CAST: variants seen among roughly 807,000 people sequenced by gnomAD.
CAST encodes the protein calpastatin, also known as MIR583 host.
Under a neutral mutation model 119.6 loss-of-function variants are expected in CAST, and 76 were observed. The observed-to-expected ratio is 0.64, with a 90% CI of 0.53 to 0.77. The LOEUF (loss-of-function observed/expected upper bound fraction) is 0.77. Among genes scored for constraint, CAST ranks in the 30% least tolerant of loss-of-function variants. CAST has a pLI of 0.00. For synonymous variants in CAST, 319 were observed against 331.6 expected, an observed-to-expected ratio of 0.96 and a Z score of 0.41; for missense variants, 953 against 946.5, an observed-to-expected ratio of 1.01 and a Z score of -0.09.
At chr5:96,485,142 G>A in the CAST span, among the ~76,000 whole-genome samples, 1 of 152,132 alleles carries the variant, frequency 6.6e-6, no homozygotes, top group Non-Finnish European at 1.5e-5. Context: ...GAGAGAAATG[G>A]TCAAAATGTC....
intron 3 of CAST, among the ~76,000 whole-genome samples, chr5:96,712,311 A>G (rs1404441340): frequency 6.6e-6 from 1 of 152,082 alleles, no homozygotes; most frequent in Non-Finnish European, 1.5e-5. Flanking sequence ...TCTAACCATG[A>G]CACAACTTTT....
chr5:96,374,853 T>G, the CAST span, among the ~76,000 whole-genome samples: 3 of 152,256 alleles, frequency 2.0e-5, no homozygotes, highest in East Asian at 5.8e-4. Flanking sequence ...GTTGTGGCGC[T>G]GGAGTTTCCG....
intron 1 of CAST, among the ~76,000 whole-genome samples, chr5:96,592,416 A>G (rs539566031): frequency 2.0e-5 from 3 of 151,554 alleles, no homozygotes; most frequent in African/African-American, 4.9e-5. Context: ...AAGGGGGGGA[A>G]AACCCAGCTA....
the CAST span, among the ~76,000 whole-genome samples, chr5:96,236,081 A>ATGTC: frequency 2.2e-4 from 30 of 133,546 alleles, no homozygotes; most frequent in East Asian, 1.7e-3. Context: ...CAGGATCTCT[A>ATGTC]TGTCTGTCTG....
At chr5:96,450,187 A>T in the CAST span, among the ~76,000 whole-genome samples, 1 of 152,246 alleles carries the variant, frequency 6.6e-6, no homozygotes, top group African/African-American at 2.4e-5. Flanking sequence ...ACTGGATTTT[A>T]AAAATGTGAT....
the CAST span, among the ~76,000 whole-genome samples, chr5:96,053,187 G>A: frequency 3.9e-5 from 6 of 152,122 alleles, no homozygotes; most frequent in African/African-American, 1.4e-4. Flanking sequence ...AACTCCCGAG[G>A]AGCCTGAAAA....
chr5:96,184,687 A>T, the CAST span, among the ~76,000 whole-genome samples: 1 of 152,022 alleles, frequency 6.6e-6, no homozygotes, highest in Admixed American at 6.6e-5. Context: ...ACATGATCTT[A>T]TTCTTTTTTA....
the CAST span, among the ~76,000 whole-genome samples, chr5:96,092,754 A>C: frequency 9.5e-4 from 145 of 152,294 alleles, no homozygotes; most frequent in East Asian, 0.023. Flanking sequence ...AAACCTCTTA[A>C]ATTCTACTTT....
chr5:96,484,710 C>G, the CAST span, among the ~76,000 whole-genome samples: 3 of 151,980 alleles, frequency 2.0e-5, no homozygotes, highest in African/African-American at 7.3e-5. Context: ...AAACACTCTG[C>G]AGTTGAAAAA....
At position 96,678,690 on chromosome 5, in the gene CAST, A is replaced by G. The variant is rs7341130; in HGVS notation, c.138+3089A>G. On this transcript the variant is annotated intron_variant, in intron 2 of 31. Coordinates refer to ENST00000675179, the MANE Select transcript of CAST (RefSeq NM_001750.7). ...AAACTCCATCTCTACTAAAAATACC[A>G]GAAAAAATTAGTCTGGCAAGGTGGC... is the stretch of plus-strand genomic sequence containing the variant. 6.6e-5 allele frequency among the ~76,000 whole-genome samples: 10 copies of G among 152,178 alleles called. 1 individual carries two copies. Among genetic ancestry groups the G allele is most frequent in the African/African-American group, 2.4e-4 (10 of 41,544 alleles).
At chr5:96,669,516 G>T (rs907942309) in intron 1 of CAST, among the ~76,000 whole-genome samples, 2 of 152,186 alleles carry the variant, frequency 1.3e-5, no homozygotes, top group East Asian at 3.8e-4. Context: ...AAGGCAAGAT[G>T]TAAGTTTATA....
intron 22 of CAST, chr5:96,755,018 T>TA (rs1196888281): frequency 1.8e-5 from 4 of 225,016 alleles, no homozygotes; most frequent in South Asian, 8.1e-5. Context: ...CCAGAAATAT[T>TA]AAAAAACCTT....
At chr5:96,288,167 G>A in the CAST span, among the ~76,000 whole-genome samples, 1 of 152,138 alleles carries the variant, frequency 6.6e-6, no homozygotes, top group Non-Finnish European at 1.5e-5. Context: ...AATTGTGGGT[G>A]CACCTGGAAA....
At chr5:95,971,289 G>A in the CAST span, among the ~76,000 whole-genome samples, 5 of 152,104 alleles carry the variant, frequency 3.3e-5, no homozygotes, top group African/African-American at 1.2e-4. Flanking sequence ...CTCATTGTAA[G>A]CATATAGGCT....
intron 24 of CAST, chr5:96,761,416 A>T (rs772893931): frequency 6.6e-6 from 1 of 152,182 alleles, no homozygotes; most frequent in Non-Finnish European, 1.5e-5. Context: ...AATGGACAAT[A>T]AGTATCTTAT....
chr5:96,337,367 A>G, the CAST span, among the ~76,000 whole-genome samples: 2 of 152,234 alleles, frequency 1.3e-5, no homozygotes, highest in African/African-American at 4.8e-5. Context: ...GTATGCTCAT[A>G]TAATACTAAA....
intron 10 of CAST, among the ~76,000 whole-genome samples, chr5:96,736,953 T>C (rs1421009911): frequency 6.6e-6 from 1 of 152,204 alleles, no homozygotes; most frequent in Non-Finnish European, 1.5e-5. Flanking sequence ...CTTACAATCA[T>C]GCTGGAAAGG....
the CAST span, among the ~76,000 whole-genome samples, chr5:96,450,598 A>G: frequency 1.3e-5 from 2 of 152,218 alleles, no homozygotes; most frequent in South Asian, 4.1e-4. Flanking sequence ...ATAAATAAGT[A>G]AATAATCCTC....
At chr5:96,294,416 T>C in the CAST span, among the ~76,000 whole-genome samples, 1 of 152,222 alleles carries the variant, frequency 6.6e-6, no homozygotes, top group Non-Finnish European at 1.5e-5. Flanking sequence ...CCCTATGGCA[T>C]AGAGTTTTAT....
Sources: allele counts gnomAD v4.1 joint callset (sites outside exome capture counted in the v4.1 genomes callset), GRCh38; gene constraint gnomAD v4.1.1; transcripts MANE v1.5; gene names NCBI Gene and HGNC (gene_info 2026-07-23, HGNC 2026-07-21).